TACR3: variants seen among roughly 807,000 people sequenced by gnomAD.
TACR3 encodes the protein tachykinin receptor 3, also known as neuromedin-K receptor.
In TACR3, 34 loss-of-function variants were observed where a neutral mutation model predicts 35.0. The ratio of observed to expected loss-of-function variants is 0.97; its 90% CI spans 0.74 to 1.30. The LOEUF (loss-of-function observed/expected upper bound fraction) is 1.30. Among genes scored for constraint, TACR3 ranks in the 50% most tolerant of loss-of-function variants. The pLI is 0.00. For missense variants in TACR3, 558 were observed against 591.7 expected (o/e 0.94, Z 0.59); for synonymous variants, 233 against 221.1 (o/e 1.05, Z -0.48).
intron 3 of TACR3, among the ~76,000 whole-genome samples, chr4:103,601,038 G>C (rs753623765): frequency 6.6e-6 from 1 of 152,092 alleles, no homozygotes; most frequent in Non-Finnish European, 1.5e-5. Context: ...TCGTTGATCT[G>C]TCTAATGTTG....
chr4:103,715,660 C>A (rs551964415), intron 1 of TACR3, among the ~76,000 whole-genome samples: 1 of 152,060 alleles, frequency 6.6e-6, no homozygotes. Context: ...GGATCATATG[C>A]CCTGAAATTT....
Position 103,591,048 on chromosome 4 carries a change from A to T in TACR3, c.1085+439T>A, listed in dbSNP as rs1362376636. 2.6e-5 allele frequency among the ~76,000 whole-genome samples: 4 copies of T among 152,158 alleles called. No individual in the cohort carries two copies. In the South Asian group the frequency reaches 8.3e-4, roughly 31 times the overall value. On this transcript the variant is annotated intron_variant, in intron 4 of 4. Transcript: ENST00000304883. ...TCTACTTCAAAGTTTATTTATTTAC[A>T]ACATATCCTTTTTAATAAAGTCCGC...
intron 3 of TACR3, among the ~76,000 whole-genome samples, chr4:103,638,762 A>G (rs59410997): frequency 6.6e-6 from 1 of 152,130 alleles, no homozygotes; most frequent in African/African-American, 2.4e-5. Context: ...AAACAACCCC[A>G]TCAAAAAGTG....
intron 3 of TACR3, among the ~76,000 whole-genome samples, chr4:103,609,254 T>C (rs1316186438): frequency 6.6e-6 from 1 of 152,142 alleles, no homozygotes; most frequent in Non-Finnish European, 1.5e-5. Context: ...GGCCACAAAA[T>C]TATTTCCATA....
chr4:103,634,508 T>C (rs1389643853), intron 3 of TACR3, among the ~76,000 whole-genome samples: 5 of 121,990 alleles, frequency 4.1e-5, no homozygotes, highest in Admixed American at 1.6e-4. Flanking sequence ...TTCATGAACA[T>C]TTATAATCAG....
At chr4:103,705,066 T>C (rs1167326988) in intron 1 of TACR3, among the ~76,000 whole-genome samples, 1 of 152,136 alleles carries the variant, frequency 6.6e-6, no homozygotes, top group Non-Finnish European at 1.5e-5. Flanking sequence ...TGCATTTTGG[T>C]TTGAAAACTA....
intron 1 of TACR3, among the ~76,000 whole-genome samples, chr4:103,697,919 A>G (rs1013156644): frequency 3.3e-5 from 5 of 152,158 alleles, no homozygotes; most frequent in African/African-American, 1.2e-4. Context: ...TCCTCTTTAA[A>G]GGTTTCATCA....
chr4:103,632,985 T>TA (rs1317186507), intron 3 of TACR3, among the ~76,000 whole-genome samples: 10 of 151,886 alleles, frequency 6.6e-5, no homozygotes, highest in East Asian at 3.9e-4. Context: ...GTACATATTG[T>TA]AAAAAAAAGA....
At chr4:103,618,415 T>G (rs1296596362) in intron 3 of TACR3, among the ~76,000 whole-genome samples, 1 of 152,052 alleles carries the variant, frequency 6.6e-6, no homozygotes, top group Admixed American at 6.5e-5. Flanking sequence ...TTTCTGAGTT[T>G]TCTGTTCTCT....
chr4:103,597,063 T>G (rs147630179), intron 3 of TACR3, among the ~76,000 whole-genome samples: 1 of 148,684 alleles, frequency 6.7e-6, no homozygotes, highest in Non-Finnish European at 1.5e-5. Context: ...AATAAACACA[T>G]GTGTGCATGC....
intron 3 of TACR3, among the ~76,000 whole-genome samples, chr4:103,619,171 T>A (rs1407549473): frequency 6.6e-6 from 1 of 152,114 alleles, no homozygotes; most frequent in African/African-American, 2.4e-5. Context: ...AATCATATCA[T>A]CTGTGAAGAG....
At chr4:103,623,348 A>G (rs3796977) in intron 3 of TACR3, among the ~76,000 whole-genome samples, 1 of 152,142 alleles carries the variant, frequency 6.6e-6, no homozygotes, top group Non-Finnish European at 1.5e-5. Flanking sequence ...ATGCTGCTAA[A>G]TCATGCAAAG....
chr4:103,634,395 TA>T (rs775432976), intron 3 of TACR3, among the ~76,000 whole-genome samples: 3 of 152,038 alleles, frequency 2.0e-5, no homozygotes, highest in Non-Finnish European at 2.9e-5. Flanking sequence ...GGAAGAAACA[TA>T]AACAGTGAGA....
intron 1 of TACR3, among the ~76,000 whole-genome samples, chr4:103,696,436 A>G (rs1722521879): frequency 1.3e-5 from 2 of 151,282 alleles, no homozygotes; most frequent in South Asian, 4.2e-4. Flanking sequence ...ATTTCTTTGT[A>G]AAAAAAAAGT....
At chr4:103,599,933 C>T (rs993325886) in intron 3 of TACR3, among the ~76,000 whole-genome samples, 33 of 152,262 alleles carry the variant, frequency 2.2e-4, no homozygotes, top group Non-Finnish European at 4.6e-4. Flanking sequence ...GGTTGTGTCT[C>T]TGCTGGGCTT....
intron 1 of TACR3, among the ~76,000 whole-genome samples, chr4:103,714,388 A>G (rs771864171): frequency 6.6e-6 from 1 of 152,166 alleles, no homozygotes; most frequent in Non-Finnish European, 1.5e-5. Context: ...TTTTATAAGA[A>G]TTGGCACTAT....
intron 3 of TACR3, among the ~76,000 whole-genome samples, chr4:103,604,568 G>A (rs1191559843): frequency 6.6e-6 from 1 of 152,112 alleles, no homozygotes; most frequent in Non-Finnish European, 1.5e-5. Flanking sequence ...AAGAGCTTCT[G>A]CACAGCAAAA....
chr4:103,643,047 A>G (rs1725389464), intron 3 of TACR3, among the ~76,000 whole-genome samples: 2 of 151,872 alleles, frequency 1.3e-5, no homozygotes, highest in Admixed American at 6.6e-5. Context: ...ACATTATCAC[A>G]ATAAATGGGA....
intron 3 of TACR3, among the ~76,000 whole-genome samples, chr4:103,604,413 A>G (rs1480919656): frequency 4.6e-5 from 7 of 152,146 alleles, no homozygotes; most frequent in Non-Finnish European, 7.4e-5. Flanking sequence ...AGAATTAAAC[A>G]TAAGACCGAA....
Sources: allele counts gnomAD v4.1 joint callset (sites outside exome capture counted in the v4.1 genomes callset), GRCh38; gene constraint gnomAD v4.1.1; transcripts MANE v1.5; gene names NCBI Gene and HGNC (gene_info 2026-07-23, HGNC 2026-07-21).